INVS: variants seen among roughly 807,000 people sequenced by gnomAD.
INVS encodes the protein inversin.
Under a neutral mutation model 108.8 loss-of-function variants are expected in INVS, and 86 were observed. That is an observed-to-expected ratio of 0.79 (90% CI 0.66 to 0.95). The LOEUF (loss-of-function observed/expected upper bound fraction) is 0.95. Among genes scored for constraint, INVS ranks in the 40% least tolerant of loss-of-function variants. The pLI is 0.00. For synonymous variants in INVS, 455 were observed against 473.5 expected (o/e 0.96, Z 0.51); for missense variants, 1,169 against 1,297.4 (o/e 0.90, Z 1.52).
At chr9:100,255,831 A>G (rs1045130158) in intron 10 of INVS, among the ~76,000 whole-genome samples, 2 of 152,008 alleles carry the variant, frequency 1.3e-5, no homozygotes, top group South Asian at 4.1e-4. Context: ...TTTTATTGAA[A>G]ATTTTTGCAT....
intron 3 of INVS, among the ~76,000 whole-genome samples, chr9:100,212,353 A>G (rs572155212): frequency 2.0e-5 from 3 of 152,086 alleles, no homozygotes; most frequent in Non-Finnish European, 4.4e-5. Flanking sequence ...TTTCCAATTT[A>G]TATTCTTTGA....
intron 2 of INVS, among the ~76,000 whole-genome samples, chr9:100,115,494 C>T (rs1209012081): frequency 6.6e-6 from 1 of 152,076 alleles, no homozygotes; most frequent in African/African-American, 2.4e-5. Context: ...GTGATGTTCC[C>T]CTTCCTGTGT....
intron 12 of INVS, among the ~76,000 whole-genome samples, chr9:100,281,131 GGAA>G (rs1165259043): frequency 2.0e-5 from 3 of 152,184 alleles, no homozygotes; most frequent in Non-Finnish European, 4.4e-5. Flanking sequence ...TTTAAATAAT[GGAA>G]GAAGATTAGG....
chr9:100,246,209 A>T (rs73491475), intron 7 of INVS, among the ~76,000 whole-genome samples: 25,753 of 151,552 alleles, frequency 0.17, 3,220 homozygotes, highest in African/African-American at 0.36. Context: ...AAGAAAAAGG[A>T]TGGAGAAGAG....
intron 3 of INVS, among the ~76,000 whole-genome samples, chr9:100,172,889 G>A (rs765048739): frequency 2.6e-5 from 4 of 152,178 alleles, no homozygotes; most frequent in Non-Finnish European, 4.4e-5. Context: ...CTGCATGGGG[G>A]AAAATATGAA....
rs36096327 is a variant in INVS at position 100,138,700 on chromosome 9, CTTTTT to C, written c.273+12165_273+12169del. ...TTAAATTATTTTTATTGATGGTTTC[CTTTTT>C]TTTTTTTTTTTTTCCTTTCAAGAGA... On this transcript the variant is annotated intron_variant, in intron 3 of 16. Transcript: ENST00000262457. Among the ~76,000 whole-genome samples, 8 of 124,918 alleles carry C rather than the reference CTTTTT, an allele frequency of 6.4e-5. No homozygotes were observed. In the East Asian group the frequency reaches 1.0e-3, roughly 16 times the overall value. 82.0% of individuals were successfully genotyped at this position (124,918 alleles called of 152,430 possible). A position where few individuals can be genotyped will look rare whatever the true frequency, so the allele number is the denominator to read the frequency against.
At chr9:100,100,187 TA>T (rs1216777281) in intron 1 of INVS, among the ~76,000 whole-genome samples, 1 of 151,948 alleles carries the variant, frequency 6.6e-6, no homozygotes, top group African/African-American at 2.4e-5. Context: ...CTTTTTTCTA[TA>T]AAAAATGATT....
chr9:100,190,789 C>G (rs1158491625), intron 3 of INVS, among the ~76,000 whole-genome samples: 1 of 151,992 alleles, frequency 6.6e-6, no homozygotes, highest in Non-Finnish European at 1.5e-5. Context: ...TCTTACTGCT[C>G]TTAGAATTCT....
chr9:100,270,703 G>A (rs548797750), intron 11 of INVS, among the ~76,000 whole-genome samples: 5 of 146,780 alleles, frequency 3.4e-5, no homozygotes, highest in South Asian at 2.1e-4. Flanking sequence ...AGCTGAGATC[G>A]CGTCATTGCA....
chr9:100,113,552 T>G (rs1827413561), intron 2 of INVS, among the ~76,000 whole-genome samples: 2 of 151,472 alleles, frequency 1.3e-5, no homozygotes, highest in Non-Finnish European at 2.9e-5. Context: ...ATTTATCTGG[T>G]GTCTTTTTTG....
chr9:100,154,331 A>ATTTTTTTTTTTTTTTTTTTTTTTTTTTT (rs780090630), intron 3 of INVS, among the ~76,000 whole-genome samples: 14 of 68,570 alleles, frequency 2.0e-4, no homozygotes, highest in African/African-American at 3.1e-4. Context: ...CAACCGACTA[A>ATTTTTTTTTTTTTTTTTTTTTTTTTTTT]TTTTTTTTTT....
chr9:100,178,644 A>G (rs1183464275), intron 3 of INVS, among the ~76,000 whole-genome samples: 4 of 152,234 alleles, frequency 2.6e-5, no homozygotes, highest in African/African-American at 4.8e-5. Flanking sequence ...GACTATGTGA[A>G]AAGACCAAAT....
intron 3 of INVS, among the ~76,000 whole-genome samples, chr9:100,212,022 C>T (rs1048753319): frequency 6.6e-6 from 1 of 152,074 alleles, no homozygotes; most frequent in African/African-American, 2.4e-5. Flanking sequence ...GGAAGAATGT[C>T]GGTCAGTGGA....
At chr9:100,261,703 T>G (rs1265567632) in intron 10 of INVS, among the ~76,000 whole-genome samples, 2 of 152,238 alleles carry the variant, frequency 1.3e-5, no homozygotes, top group African/African-American at 4.8e-5. Flanking sequence ...ACATAAGCAA[T>G]CATGCATGCT....
At chr9:100,230,828 T>C (rs1428305763) in intron 5 of INVS, among the ~76,000 whole-genome samples, 1 of 152,242 alleles carries the variant, frequency 6.6e-6, no homozygotes, top group African/African-American at 2.4e-5. Flanking sequence ...CTGGTGATTT[T>C]ATCTATGTTG....
intron 11 of INVS, among the ~76,000 whole-genome samples, chr9:100,265,187 C>G (rs1832751616): frequency 6.6e-6 from 1 of 152,052 alleles, no homozygotes. Flanking sequence ...TTGTGATCCA[C>G]CCACCTCGGC....
intron 3 of INVS, among the ~76,000 whole-genome samples, chr9:100,139,643 A>G (rs908461693): frequency 6.6e-6 from 1 of 152,080 alleles, no homozygotes; most frequent in Non-Finnish European, 1.5e-5. Flanking sequence ...CATAAAATTA[A>G]CCCTTTTTTT....
chr9:100,260,001 A>T (rs1255766974), intron 10 of INVS, among the ~76,000 whole-genome samples: 1 of 150,900 alleles, frequency 6.6e-6, no homozygotes, highest in Non-Finnish European at 1.5e-5. Context: ...CCTCCTGAGT[A>T]GCTGGGATTA....
chr9:100,215,322 G>A (rs1034479717), intron 3 of INVS: 5 of 152,160 alleles, frequency 3.3e-5, no homozygotes, highest in African/African-American at 9.7e-5. Context: ...AGATAACCAG[G>A]GTTGGGCCAG....
Sources: gnomAD v4.1 joint callset for allele counts (sites outside exome capture counted in the v4.1 genomes callset) on GRCh38, gnomAD v4.1.1 for gene constraint, MANE v1.5 for transcripts, NCBI Gene and HGNC (gene_info 2026-07-23, HGNC 2026-07-21) for gene names.